Variants in ZDHHC20 observed in about 807,000 individuals in gnomAD.
ZDHHC20 encodes palmitoyltransferase ZDHHC20.
In ZDHHC20, 43 loss-of-function variants were observed where a neutral mutation model predicts 57.8. That is an observed-to-expected ratio of 0.74 (90% CI 0.58 to 0.96). The LOEUF is 0.96. Ranked by LOEUF, ZDHHC20 falls within the 40% of genes least tolerant of loss-of-function variation. ZDHHC20 has a pLI of 0.00. For synonymous variants in ZDHHC20, 157 were observed against 153.0 expected (o/e 1.03, Z -0.19); for missense variants, 391 against 441.1 (o/e 0.89, Z 1.02).
intron 11 of ZDHHC20, among the ~76,000 whole-genome samples, chr13:21,379,923 C>T (rs1431430037): frequency 6.7e-6 from 1 of 149,696 alleles, no homozygotes; most frequent in African/African-American, 2.5e-5. Flanking sequence ...TCACGCCATT[C>T]CCCTGCCTCA....
chr13:21,447,284 C>CTCTCCCTCTCCCTCTCCG (rs1883820561), intron 1 of ZDHHC20, among the ~76,000 whole-genome samples: 4 of 147,106 alleles, frequency 2.7e-5, no homozygotes, highest in Middle Eastern at 6.8e-3. Context: ...AGCGCTCTCC[C>CTCTCCCTCTCCCTCTCCG]TCTCCCTCTC....
At chr13:21,385,147 G>A (rs539668960) in intron 9 of ZDHHC20, among the ~76,000 whole-genome samples, 52 of 152,154 alleles carry the variant, frequency 3.4e-4, no homozygotes, top group African/African-American at 1.2e-3. Context: ...ACAACATCTG[G>A]GCCAGGCACG....
chr13:21,450,254 A>G (rs1348588335), intron 1 of ZDHHC20, among the ~76,000 whole-genome samples: 3 of 152,150 alleles, frequency 2.0e-5, no homozygotes, highest in African/African-American at 7.2e-5. Flanking sequence ...AATTCAGCAT[A>G]CTACTACTTC....
Position 21,459,127 on chromosome 13 carries a change from G to T in ZDHHC20, c.45C>A (p.Gly15=). 6.2e-6 allele frequency: 10 copies of T among 1,606,816 alleles called. No homozygotes were observed. Among genetic ancestry groups the T allele is most frequent in the Non-Finnish European group, 8.5e-6 (10 of 1,177,276 alleles). The change falls in exon 1 of 13, where the codon GGC becomes GGA. Residue 15 remains glycine, a synonymous_variant. Coordinates refer to ENST00000400590, the MANE Select transcript of ZDHHC20 (RefSeq NM_001330059.2). ...AGGTGATGAAGAGCACCGGCACCCAGCCCACGACGCGCTGGCAGCAGCGCC... is the reference window on the plus strand; with the variant it reads ...AGGTGATGAAGAGCACCGGCACCCATCCCACGACGCGCTGGCAGCAGCGCC... ...TLWRCCQRVV[G]WVPVLFITFV... is the part of the protein sequence containing the mutation.
chr13:21,443,963 C>A (rs1479408576), intron 1 of ZDHHC20, among the ~76,000 whole-genome samples: 3 of 152,148 alleles, frequency 2.0e-5, no homozygotes, highest in Non-Finnish European at 4.4e-5. Context: ...AGGAGTCAGC[C>A]TGGCCAACAT....
Position 21,387,588 on chromosome 13 carries a change from A to G in ZDHHC20, c.774T>C (p.Gly258=). ...PTFSYGPDGN[G]FSLGCSKNWR... is the part of the protein sequence containing the mutation. Reference sequence around the variant, plus strand: ...AATTTTTACTGCATCCAAGAGAGAAACCATTTCCATCAGGTCCGTATGAAA... The same window carrying G: ...AATTTTTACTGCATCCAAGAGAGAAGCCATTTCCATCAGGTCCGTATGAAA... The change falls in exon 9 of 13, where the codon GGT becomes GGC. Residue 258 remains glycine (G), a synonymous_variant. Coordinates refer to ENST00000400590, the MANE Select transcript of ZDHHC20 (RefSeq NM_001330059.2). The G allele has an allele frequency of 6.6e-7, 1 of 1,516,124 alleles. No homozygotes were observed. Among genetic ancestry groups the G allele is most frequent in the Non-Finnish European group, 8.9e-7 (1 of 1,128,382 alleles). The allele number at this position is 1,516,124 out of a possible 1,614,324, so 93.9% of individuals were successfully genotyped here.
chr13:21,428,602 C>T (rs375968172), intron 1 of ZDHHC20, among the ~76,000 whole-genome samples: 10 of 151,298 alleles, frequency 6.6e-5, no homozygotes, highest in Admixed American at 3.3e-4. Context: ...GGCTCATGCC[C>T]GTAATCTCAG....
At position 21,374,447 on chromosome 13, in the gene ZDHHC20, C is replaced by T. The variant is rs1871709495; in HGVS notation, c.*2249G>A. 2.2e-6 allele frequency: 1 copy of T among 455,594 alleles called. No individual in the cohort carries two copies. The highest frequency in any genetic ancestry group is 1.5e-5 in the South Asian group (1 of 64,532). 28.2% of individuals were successfully genotyped at this position (455,594 alleles called of 1,614,324 possible). The stretch of plus-strand genomic sequence containing the variant: ...ACAGGGTTTTGCCATTTTGACCAGG[C>T]TAATCTCGAACCCCTGACCTCAGGT... On this transcript the variant is annotated 3_prime_UTR_variant, in exon 13 of 13. Coordinates refer to ENST00000400590, the MANE Select transcript of ZDHHC20 (RefSeq NM_001330059.2).
chr13:21,432,420 C>T (rs1278508936), intron 1 of ZDHHC20, among the ~76,000 whole-genome samples: 1 of 151,778 alleles, frequency 6.6e-6, no homozygotes, highest in Non-Finnish European at 1.5e-5. Context: ...AGCTCTGCCT[C>T]CTGGGTTCAC....
chr13:21,400,699 T>A (rs1027157997), intron 6 of ZDHHC20, among the ~76,000 whole-genome samples: 4 of 152,174 alleles, frequency 2.6e-5, no homozygotes, highest in African/African-American at 9.7e-5. Flanking sequence ...TACTGAACTG[T>A]ACCCTAAGAA....
rs1393627605 is a variant in ZDHHC20 at position 21,372,747 on chromosome 13, T to G, written c.*3949A>C. ...CAAATAAGAACAAACACAAGGCTTATGGTACTTGTTAGGTAAACACAACCA... is the reference window on the plus strand; with the variant it reads ...CAAATAAGAACAAACACAAGGCTTAGGGTACTTGTTAGGTAAACACAACCA... On this transcript the variant is annotated 3_prime_UTR_variant, in exon 13 of 13. Coordinates refer to ENST00000400590, the MANE Select transcript of ZDHHC20 (RefSeq NM_001330059.2). 1 of 152,226 alleles carries G rather than the reference T, an allele frequency of 6.6e-6. No homozygotes were observed. Among genetic ancestry groups the G allele is most frequent in the East Asian group, 1.9e-4 (1 of 5,206 alleles). The allele number at this position is 152,226 out of a possible 1,614,324, so 9.4% of individuals were successfully genotyped here.
rs1210388332 is a variant in ZDHHC20 at position 21,374,452 on chromosome 13, C to T, written c.*2244G>A. ...GTTTTGCCATTTTGACCAGGCTAAT[C>T]TCGAACCCCTGACCTCAGGTGATCC... On this transcript the variant is annotated 3_prime_UTR_variant, in exon 13 of 13. Coordinates refer to ENST00000400590, the MANE Select transcript of ZDHHC20 (RefSeq NM_001330059.2). The T allele has an allele frequency of 4.4e-6, 2 of 455,520 alleles. No homozygotes were observed. The highest frequency in any genetic ancestry group is 1.4e-4 in the East Asian group (2 of 14,388). 28.2% of individuals were successfully genotyped at this position (455,520 alleles called of 1,614,324 possible). A position where few individuals can be genotyped will look rare whatever the true frequency, so the allele number is the denominator to read the frequency against.
chr13:21,390,746 A>C (rs1432486260), intron 8 of ZDHHC20, among the ~76,000 whole-genome samples: 1 of 152,040 alleles, frequency 6.6e-6, no homozygotes, highest in African/African-American at 2.4e-5. Flanking sequence ...TAAGAAATAA[A>C]TAAATTAGCT....
intron 1 of ZDHHC20, among the ~76,000 whole-genome samples, chr13:21,428,872 TAAAACAAAAC>T (rs141165926): frequency 1.7e-4 from 26 of 151,482 alleles, no homozygotes; most frequent in African/African-American, 5.8e-4. Context: ...CAAAACAAAA[TAAAACAAAAC>T]AAAAGAACAA....
intron 8 of ZDHHC20, among the ~76,000 whole-genome samples, chr13:21,389,870 T>C (rs1875344273): frequency 6.6e-6 from 1 of 152,212 alleles, no homozygotes; most frequent in Non-Finnish European, 1.5e-5. Flanking sequence ...ATTTTATTGG[T>C]TGGGGAGAAC....
At chr13:21,403,774 G>A (rs1566081341) in intron 4 of ZDHHC20, among the ~76,000 whole-genome samples, 2 of 152,086 alleles carry the variant, frequency 1.3e-5, no homozygotes, top group Non-Finnish European at 1.5e-5. Flanking sequence ...TGCAACCTCC[G>A]CCTCCTGGGT....
chr13:21,439,971 G>A (rs1382427665), intron 1 of ZDHHC20, among the ~76,000 whole-genome samples: 1 of 148,776 alleles, frequency 6.7e-6, no homozygotes, highest in Non-Finnish European at 1.5e-5. Flanking sequence ...ACAGGCCGAG[G>A]CACAAGAATT....
chr13:21,441,981 T>G (rs966569970), intron 1 of ZDHHC20, among the ~76,000 whole-genome samples: 2 of 152,216 alleles, frequency 1.3e-5, no homozygotes, highest in African/African-American at 4.8e-5. Flanking sequence ...GGTATCATTA[T>G]TCCTGGTTTT....
intron 1 of ZDHHC20, 100 bp from the exon 2 acceptor site, chr13:21,425,778 A>C (rs1881178900): frequency 5.0e-6 from 4 of 793,058 alleles, no homozygotes; most frequent in Non-Finnish European, 6.8e-6. Flanking sequence ...TTTTCAAAAA[A>C]ATAAACTTTA....
Sources: gnomAD v4.1 joint callset for allele counts (sites outside exome capture counted in the v4.1 genomes callset) on GRCh38, gnomAD v4.1.1 for gene constraint, MANE v1.5 for transcripts, NCBI Gene and HGNC (gene_info 2026-07-23, HGNC 2026-07-21) for gene names.